The following PGM5 variants were observed in gnomAD, a reference collection of about 807,000 sequenced individuals.
PGM5 encodes the protein phosphoglucomutase-like protein 5.
A neutral mutation model predicts 59.2 loss-of-function variants in PGM5; 23 were observed. The ratio of observed to expected loss-of-function variants is 0.39; its 90% CI spans 0.28 to 0.55. PGM5 has a LOEUF of 0.55. Ranked by LOEUF, PGM5 falls within the 20% of genes least tolerant of loss-of-function variation. PGM5 has a pLI of 0.66. For missense variants in PGM5, 574 were observed against 748.3 expected, an observed-to-expected ratio of 0.77 and a Z score of 2.72; for synonymous variants, 214 against 286.0, an observed-to-expected ratio of 0.75 and a Z score of 2.54.
rs147504470 is a variant in PGM5 at position 68,473,351 on chromosome 9, C to A, written c.1160-6067C>A. Among the ~76,000 whole-genome samples, 30 of 152,328 alleles carry A rather than the reference C, an allele frequency of 2.0e-4. No individual in the cohort carries two copies. The East Asian group carries it at 5.8e-3, about 29-fold the overall frequency. On this transcript the variant is annotated intron_variant, in intron 7 of 10. Coordinates refer to ENST00000396396, the MANE Select transcript of PGM5 (RefSeq NM_021965.4). ...TTTAGAAAGCCTGCCCCAGCTCTCACCACATAGGATGCTTTACCCGCTTTC... is the reference window on the plus strand; with the variant it reads ...TTTAGAAAGCCTGCCCCAGCTCTCAACACATAGGATGCTTTACCCGCTTTC...
At chr9:68,497,278 T>C (rs1275463390) in intron 9 of PGM5, 2 of 152,198 alleles carry the variant, frequency 1.3e-5, no homozygotes, top group Admixed American at 1.3e-4. Context: ...TTTATATTCA[T>C]ATACCCAGGA....
At chr9:68,443,068 A>G (rs990559956) in intron 6 of PGM5, among the ~76,000 whole-genome samples, 25 of 152,212 alleles carry the variant, frequency 1.6e-4, no homozygotes, top group Non-Finnish European at 2.9e-4. Context: ...CAGAATTAAA[A>G]CTGTACACAA....
At chr9:68,495,884 C>T (rs1173094929) in intron 9 of PGM5, among the ~76,000 whole-genome samples, 3 of 152,122 alleles carry the variant, frequency 2.0e-5, no homozygotes, top group African/African-American at 7.2e-5. Context: ...ATGCCTTATA[C>T]CAGGGGTCAG....
chr9:68,381,199 G>C (rs558291745), intron 2 of PGM5, among the ~76,000 whole-genome samples: 1 of 151,914 alleles, frequency 6.6e-6, no homozygotes, highest in African/African-American at 2.4e-5. Flanking sequence ...ACACATTAAA[G>C]AAATTATGAA....
chr9:68,529,519 A>C, intron 10 of PGM5, 48 bp from the exon 11 acceptor site: 2 of 1,364,736 alleles, frequency 1.5e-6, no homozygotes, highest in Non-Finnish European at 2.1e-6. Context: ...AATGCCCCAA[A>C]ATGTAACTGA....
intron 6 of PGM5, among the ~76,000 whole-genome samples, chr9:68,455,390 A>T (rs1484400069): frequency 6.6e-6 from 1 of 152,178 alleles, no homozygotes; most frequent in Non-Finnish European, 1.5e-5. Context: ...AGCCAAAAAT[A>T]AGAACCATAC....
chr9:68,527,383 T>C (rs932932958), intron 10 of PGM5, among the ~76,000 whole-genome samples: 2 of 152,232 alleles, frequency 1.3e-5, no homozygotes, highest in African/African-American at 2.4e-5. Context: ...TCACTCTCTT[T>C]TTCTGTCTGA....
rs530880734 is a variant in PGM5, at chr9:68,515,234, G to A, written c.1615-14333G>A. 7.9e-5 allele frequency among the ~76,000 whole-genome samples: 12 copies of A among 152,358 alleles called. No homozygotes were observed. The South Asian group carries it at 2.5e-3, about 32-fold the overall frequency. ...TTTGTCCAAACTGCATTCATAAAGT[G>A]TGCATTAACCATCCATTAATTTCAC... On this transcript the variant is annotated intron_variant, in intron 10 of 10. Coordinates refer to ENST00000396396, the MANE Select transcript of PGM5 (RefSeq NM_021965.4).
At chr9:68,517,032 C>A (rs535389790) in intron 10 of PGM5, among the ~76,000 whole-genome samples, 1 of 151,594 alleles carries the variant, frequency 6.6e-6, no homozygotes, top group East Asian at 1.9e-4. Flanking sequence ...CCACCACGCC[C>A]GGCTAATTTT....
At chr9:68,471,356 G>A (rs782170748) in intron 7 of PGM5, among the ~76,000 whole-genome samples, 23 of 152,030 alleles carry the variant, frequency 1.5e-4, no homozygotes, top group Non-Finnish European at 3.1e-4. Flanking sequence ...GTTGTGCTTC[G>A]AGGCTTCCCA....
chr9:68,385,012 A>G (rs1381108711), intron 3 of PGM5, among the ~76,000 whole-genome samples: 3 of 152,004 alleles, frequency 2.0e-5, no homozygotes, highest in African/African-American at 7.2e-5. Flanking sequence ...CACCTGCCCT[A>G]TACCAAGCAC....
chr9:68,474,339 T>A (rs1824069205), intron 7 of PGM5, among the ~76,000 whole-genome samples: 1 of 152,184 alleles, frequency 6.6e-6, no homozygotes, highest in South Asian at 2.1e-4. Flanking sequence ...AATGGCTTGA[T>A]CTGTTAGTAA....
chr9:68,512,760 T>C (rs921619115), intron 10 of PGM5, among the ~76,000 whole-genome samples: 2 of 152,244 alleles, frequency 1.3e-5, no homozygotes, highest in Non-Finnish European at 2.9e-5. Context: ...CCTCAACGTA[T>C]GCACTTATGG....
At chr9:68,443,872 C>A (rs1478172104) in intron 6 of PGM5, among the ~76,000 whole-genome samples, 1 of 152,168 alleles carries the variant, frequency 6.6e-6, no homozygotes, top group Non-Finnish European at 1.5e-5. Context: ...GTGGAAATTG[C>A]ATGCAGATGT....
At chr9:68,447,696 C>T (rs1347039237) in intron 6 of PGM5, among the ~76,000 whole-genome samples, 3 of 152,044 alleles carry the variant, frequency 2.0e-5, no homozygotes, top group Non-Finnish European at 4.4e-5. Flanking sequence ...CTATTTCAAT[C>T]CAGCACGCTT....
At chr9:68,427,320 T>A (rs1823254570) in intron 6 of PGM5, among the ~76,000 whole-genome samples, 1 of 152,198 alleles carries the variant, frequency 6.6e-6, no homozygotes, top group Non-Finnish European at 1.5e-5. Context: ...CAGATCTTGT[T>A]ACAGAGATGG....
chr9:68,417,685 C>A (rs972439473), intron 6 of PGM5, among the ~76,000 whole-genome samples: 1 of 152,186 alleles, frequency 6.6e-6, no homozygotes, highest in Non-Finnish European at 1.5e-5. Flanking sequence ...TCTGGGGCAA[C>A]TCCTGTCTTC....
At chr9:68,519,686 G>A (rs1824870626) in intron 10 of PGM5, among the ~76,000 whole-genome samples, 1 of 151,104 alleles carries the variant, frequency 6.6e-6, no homozygotes. Flanking sequence ...AAAACAGCTA[G>A]GTCAAGTAAA....
chr9:68,387,566 T>G lies in PGM5; in HGVS notation c.675T>G (p.Ile225Met), dbSNP rs1822257933. The G allele has an allele frequency of 6.2e-7, 1 of 1,612,042 alleles. No individual in the cohort carries two copies. ...TGACTGGACCCAGCCAACTGAAGATTCGCATTGACGCAATGCACGGAGGTA... is the reference window on the plus strand; with the variant it reads ...TGACTGGACCCAGCCAACTGAAGATGCGCATTGACGCAATGCACGGAGGTA... ...GLLTGPSQLK[I>M]RIDAMHGVMG... Residue 225 changes from isoleucine to methionine, a missense_variant, in exon 4 of 11, where the codon ATT becomes ATG. By Grantham distance (10) the Ile-to-Met change is conservative. This residue lies in a region of PGM5 where 103 missense variants were observed against 112.4 expected (regional missense o/e 0.92). Transcript: ENST00000396396.
Sources: gnomAD v4.1 joint callset for allele counts (sites outside exome capture counted in the v4.1 genomes callset) on GRCh38, gnomAD v4.1.1 for gene constraint, gnomAD v4.1.1 regional missense constraint, MANE v1.5 for transcripts, NCBI Gene and HGNC (gene_info 2026-07-23, HGNC 2026-07-21) for gene names.